CUX1: variants seen among roughly 807,000 people sequenced by gnomAD.
The protein encoded by CUX1 is cut like homeobox 1, also known as protein CASP.
CUX1 carries 31 observed loss-of-function variants against 158.8 expected under a neutral mutation model. That is an observed-to-expected ratio of 0.20 (90% CI 0.15 to 0.26). The LOEUF is 0.26. Ranked by LOEUF, CUX1 falls within the 10% of genes least tolerant of loss-of-function variation. The probability of loss-of-function intolerance (pLI) is 1.00; values close to 1 mark genes in which losing one functional copy is unlikely to be tolerated. For missense variants in CUX1, 1,589 were observed against 2,014.6 expected (o/e 0.79, Z 4.04); for synonymous variants, 879 against 862.1 (o/e 1.02, Z -0.34).
chr7:101,965,005 TA>T (rs1477822464), intron 2 of CUX1, among the ~76,000 whole-genome samples: 1 of 152,192 alleles, frequency 6.6e-6, no homozygotes, highest in Admixed American at 6.6e-5. Context: ...TAATGGTGAT[TA>T]AAGGCGTGGT....
rs561240601 is a variant in CUX1 at position 101,983,271 on chromosome 7, G to A, written c.142-44827G>A. Among the ~76,000 whole-genome samples the A allele has an allele frequency of 1.6e-4, 25 of 152,088 alleles. No homozygotes were observed. The South Asian group carries it at 5.0e-3, about 30-fold the overall frequency. On this transcript the variant is annotated intron_variant, in intron 2 of 23. Transcript: ENST00000292535. ...GTCTCCATAAAATAATTATTCTTTG[G>A]GTGACAACCTCTTAGAAAAAGAAAG...
intron 5 of CUX1, among the ~76,000 whole-genome samples, chr7:102,100,611 G>A (rs1394378952): frequency 1.3e-5 from 2 of 152,106 alleles, no homozygotes; most frequent in African/African-American, 4.8e-5. Context: ...ATTATAATTT[G>A]GGAAGGTGGG....
In CUX1 at chr7:102,256,923, G is replaced by C; in HGVS notation, c.*7881G>C. On this transcript the variant is annotated 3_prime_UTR_variant, in exon 24 of 24. Transcript: ENST00000292535. ...GTCAAAACCATCTTTCAAAGCAACA[G>C]TGTTTTGTAGTACCAGGCTGTGGCT... is the stretch of plus-strand genomic sequence containing the variant. 1 of 985,480 alleles carries C rather than the reference G, an allele frequency of 1.0e-6. No individual in the cohort carries two copies. Among genetic ancestry groups the C allele is most frequent in the Non-Finnish European group, 1.2e-6 (1 of 829,968 alleles). 61.0% of individuals were successfully genotyped at this position (985,480 alleles called of 1,614,324 possible). A position where few individuals can be genotyped will look rare whatever the true frequency, so the allele number is the denominator to read the frequency against.
intron 1 of CUX1, among the ~76,000 whole-genome samples, chr7:101,819,304 T>C (rs1210598461): frequency 6.6e-6 from 1 of 152,226 alleles, no homozygotes; most frequent in African/African-American, 2.4e-5. Context: ...AGGAGGACAC[T>C]TTCTAAGACA....
At chr7:102,098,680 C>T (rs539105907) in intron 5 of CUX1, among the ~76,000 whole-genome samples, 3 of 151,112 alleles carry the variant, frequency 2.0e-5, no homozygotes, top group African/African-American at 7.3e-5. Flanking sequence ...CTCGCTCTGT[C>T]GCCCAGGCTG....
At chr7:102,277,934 C>CGTTG in intron 17 of CUX1, 1 of 846,850 alleles carries the variant, frequency 1.2e-6, no homozygotes, top group Non-Finnish European at 1.7e-6. Flanking sequence ...CCTTTCCTTG[C>CGTTG]CCCTCCCCCC....
chr7:102,111,924 C>G, intron 7 of CUX1, 150 bp downstream of exon 7: 1 of 618,656 alleles, frequency 1.6e-6, no homozygotes, highest in Non-Finnish European at 2.9e-6. Context: ...AATTCCGCAG[C>G]ACGCCCGCCA....
At chr7:102,118,526 G>T (rs1554492487) in intron 8 of CUX1, among the ~76,000 whole-genome samples, 1 of 152,070 alleles carries the variant, frequency 6.6e-6, no homozygotes, top group Non-Finnish European at 1.5e-5. Context: ...GACAGAGCAA[G>T]ACCCTGTCTA....
intron 2 of CUX1, among the ~76,000 whole-genome samples, chr7:101,985,006 AG>A (rs2129226544): frequency 6.6e-6 from 1 of 152,342 alleles, no homozygotes; most frequent in East Asian, 1.9e-4. Flanking sequence ...TTTAATAGCC[AG>A]ATGAATGGAA....
intron 1 of CUX1, among the ~76,000 whole-genome samples, chr7:101,836,769 C>T (rs929373264): frequency 1.3e-5 from 2 of 151,802 alleles, no homozygotes; most frequent in Admixed American, 6.6e-5. Context: ...CTGGAGAAAC[C>T]GGGAGTGCCC....
chr7:102,180,392 C>G (rs1792902155), intron 11 of CUX1, among the ~76,000 whole-genome samples: 1 of 148,642 alleles, frequency 6.7e-6, no homozygotes, highest in African/African-American at 2.5e-5. Flanking sequence ...TCATAGTTCA[C>G]GGCAACCTCG....
At chr7:101,923,589 C>T (rs577916486) in intron 2 of CUX1, among the ~76,000 whole-genome samples, 28 of 152,304 alleles carry the variant, frequency 1.8e-4, no homozygotes, top group African/African-American at 5.5e-4. Flanking sequence ...GCTCAGGGGC[C>T]GTCACTGGTC....
At chr7:101,880,137 A>G (rs1280103341) in intron 1 of CUX1, among the ~76,000 whole-genome samples, 1 of 152,174 alleles carries the variant, frequency 6.6e-6, no homozygotes. Flanking sequence ...TCCAAGTGTG[A>G]GAATATCCAG....
chr7:101,829,777 G>A (rs1284785454), intron 1 of CUX1, among the ~76,000 whole-genome samples: 1 of 152,172 alleles, frequency 6.6e-6, no homozygotes, highest in Non-Finnish European at 1.5e-5. Context: ...CGCAGAGAAG[G>A]GTCATCTGAT....
Position 102,227,546 on chromosome 7 carries a change from A to G in CUX1, c.3310A>G (p.Thr1104Ala), listed in dbSNP as rs782328408. ...GCCAGCATCCGACTCCCAGCCCACAACCCCGCTGCCTCTCTCCGGACACTC... is the reference window on the plus strand; with the variant it reads ...GCCAGCATCCGACTCCCAGCCCACAGCCCCGCTGCCTCTCTCCGGACACTC... ...DPPASDSQPT[T>A]PLPLSGHSAL... The change falls in exon 21 of 24, where the codon ACC becomes GCC. Residue 1104 changes from threonine (T) to alanine (A), a missense_variant. By Grantham distance (58) the Thr-to-Ala change is moderately conservative. Coordinates refer to ENST00000292535, the MANE Select transcript of CUX1 (RefSeq NM_181552.4). 3.1e-6 allele frequency: 5 copies of G among 1,613,544 alleles called. No individual in the cohort carries two copies. Among genetic ancestry groups the G allele is most frequent in the African/African-American group, 1.3e-5 (1 of 74,728 alleles).
At chr7:102,215,229 C>CTT (rs547506149) in intron 20 of CUX1, among the ~76,000 whole-genome samples, 38 of 92,778 alleles carry the variant, frequency 4.1e-4, no homozygotes, top group Admixed American at 1.1e-3. Flanking sequence ...GTTACTCCAA[C>CTT]TTTTTTTTTT....
At chr7:102,238,382 G>A (rs1191534739) in intron 22 of CUX1, among the ~76,000 whole-genome samples, 2 of 152,162 alleles carry the variant, frequency 1.3e-5, no homozygotes, top group East Asian at 1.9e-4. Context: ...CAGAAGGCTC[G>A]CACTCTTGTC....
intron 2 of CUX1, among the ~76,000 whole-genome samples, chr7:102,000,883 C>T (rs940417327): frequency 6.6e-6 from 1 of 152,124 alleles, no homozygotes; most frequent in African/African-American, 2.4e-5. Context: ...GATCCTCCCA[C>T]CTCACCCTCC....
intron 1 of CUX1, among the ~76,000 whole-genome samples, chr7:101,892,233 A>G (rs1800952986): frequency 6.6e-6 from 1 of 152,218 alleles, no homozygotes. Context: ...TAGGTTTAGT[A>G]TCGTTCCTTT....
Sources: allele counts gnomAD v4.1 joint callset (sites outside exome capture counted in the v4.1 genomes callset), GRCh38; gene constraint gnomAD v4.1.1; transcripts MANE v1.5; gene names NCBI Gene and HGNC (gene_info 2026-07-23, HGNC 2026-07-21).